SHANK2: variants seen among roughly 807,000 people sequenced by gnomAD.
SHANK2 encodes the protein SH3 and multiple ankyrin repeat domains 2.
A neutral mutation model predicts 133.7 loss-of-function variants in SHANK2; 43 were observed. The ratio of observed to expected loss-of-function variants is 0.32; its 90% CI spans 0.25 to 0.41. The LOEUF is 0.41. Among genes scored for constraint, SHANK2 ranks in the 10% least tolerant of loss-of-function variants. SHANK2 has a pLI of 1.00. For missense variants in SHANK2, 1,994 were observed against 2,235.8 expected, an observed-to-expected ratio of 0.89 and a Z score of 2.18; for synonymous variants, 1,017 against 952.8, an observed-to-expected ratio of 1.07 and a Z score of -1.24.
chr11:70,782,005 C>G (rs1026422332), intron 14 of SHANK2, among the ~76,000 whole-genome samples: 1 of 152,000 alleles, frequency 6.6e-6, no homozygotes, highest in Non-Finnish European at 1.5e-5. Context: ...AGCAAACTAT[C>G]GCAAGGACAA....
At chr11:70,842,080 C>T (rs531225672) in intron 11 of SHANK2, among the ~76,000 whole-genome samples, 1 of 152,304 alleles carries the variant, frequency 6.6e-6, no homozygotes, top group East Asian at 1.9e-4. Flanking sequence ...GGATGGGTGT[C>T]ACAGCTATTT....
chr11:71,251,858 G>A (rs1948187731), intron 1 of SHANK2, among the ~76,000 whole-genome samples: 1 of 151,718 alleles, frequency 6.6e-6, no homozygotes, highest in Admixed American at 6.6e-5. Flanking sequence ...GGAGCTCTGC[G>A]TGCAGGGCCA....
intron 15 of SHANK2, among the ~76,000 whole-genome samples, chr11:70,687,473 C>T (rs911616433): frequency 8.5e-5 from 13 of 152,308 alleles, no homozygotes; most frequent in South Asian, 6.2e-4. Flanking sequence ...GCTCAGTGAC[C>T]TCACGTTGGC....
At chr11:70,856,012 CAG>C (rs781835219) in intron 11 of SHANK2, among the ~76,000 whole-genome samples, 2 of 149,752 alleles carry the variant, frequency 1.3e-5, no homozygotes, top group African/African-American at 2.5e-5. Flanking sequence ...GATGGAAAGA[CAG>C]ATGAATAAAT....
chr11:70,530,247 C>T (rs11236559), intron 17 of SHANK2, among the ~76,000 whole-genome samples: 1 of 152,118 alleles, frequency 6.6e-6, no homozygotes, highest in African/African-American at 2.4e-5. Context: ...GGCCGGGCAC[C>T]GTGGCTCATG....
intron 1 of SHANK2, among the ~76,000 whole-genome samples, chr11:71,242,554 A>T (rs1954909128): frequency 6.6e-6 from 1 of 152,164 alleles, no homozygotes; most frequent in African/African-American, 2.4e-5. Flanking sequence ...CTGCTAAAAC[A>T]GCAGCCCCCC....
At chr11:70,932,588 T>G (rs1227355748) in intron 10 of SHANK2, among the ~76,000 whole-genome samples, 1 of 152,092 alleles carries the variant, frequency 6.6e-6, no homozygotes, top group Admixed American at 6.5e-5. Context: ...ATTGTGTGAG[T>G]AGAGATCCAC....
intron 14 of SHANK2, among the ~76,000 whole-genome samples, chr11:70,710,626 C>T (rs111409842): frequency 4.2e-4 from 64 of 152,288 alleles, no homozygotes; most frequent in African/African-American, 1.3e-3. Flanking sequence ...TTTTCTCTGG[C>T]GGGTGGCAGA....
intron 1 of SHANK2, among the ~76,000 whole-genome samples, chr11:71,242,741 C>T (rs1482236010): frequency 1.3e-5 from 2 of 152,238 alleles, no homozygotes; most frequent in African/African-American, 2.4e-5. Context: ...GCCTAGCAGA[C>T]ACCTGCAGCA....
chr11:71,168,134 C>T (rs1479864282), intron 2 of SHANK2, among the ~76,000 whole-genome samples: 30 of 138,214 alleles, frequency 2.2e-4, no homozygotes, highest in Non-Finnish European at 2.4e-4. Context: ...CAGAGGGTCT[C>T]CTCACTTCTC....
chr11:70,655,859 C>T (rs1301575954), intron 17 of SHANK2, among the ~76,000 whole-genome samples: 1 of 152,118 alleles, frequency 6.6e-6, no homozygotes, highest in Non-Finnish European at 1.5e-5. Context: ...CTGTTGGGAC[C>T]CCCGGCATCA....
At chr11:70,901,206 C>T (rs1238930684) in intron 10 of SHANK2, among the ~76,000 whole-genome samples, 1 of 152,206 alleles carries the variant, frequency 6.6e-6, no homozygotes, top group Non-Finnish European at 1.5e-5. Flanking sequence ...TGGGTTCAAA[C>T]TCTTCATCTA....
At chr11:71,074,675 GAGGGCCACTAAGGGGC>G (rs1343714824) in intron 9 of SHANK2, among the ~76,000 whole-genome samples, 1 of 152,058 alleles carries the variant, frequency 6.6e-6, no homozygotes. Context: ...TGGTTTGGGT[GAGGGCCACTAAGGGGC>G]AGGGGCTGAC....
chr11:70,598,926 C>CAAAAAAAAA (rs61220609), intron 17 of SHANK2, among the ~76,000 whole-genome samples: 1 of 113,112 alleles, frequency 8.8e-6, no homozygotes, highest in Non-Finnish European at 1.8e-5. Flanking sequence ...AGCTGCATGT[C>CAAAAAAAAA]AAAAAAAAAA....
chr11:70,583,732 G>T (rs888527154), intron 17 of SHANK2, among the ~76,000 whole-genome samples: 1 of 152,202 alleles, frequency 6.6e-6, no homozygotes, highest in Admixed American at 6.5e-5. Flanking sequence ...AACCATCGAG[G>T]CTGTGTGTCC....
rs575735500 is a variant in SHANK2, at chr11:70,876,812, G to A, written c.1174+19689C>T. Among the ~76,000 whole-genome samples, 16 of 152,198 alleles carry A rather than the reference G, an allele frequency of 1.1e-4. No homozygotes were observed. In the South Asian group the frequency reaches 2.1e-3, roughly 20 times the overall value. ...GTGAAATGCTCTGAGCAACGGTGGGGTAGGGGATGTTCCATCAGAAGGGGC... is the reference window on the plus strand; with the variant it reads ...GTGAAATGCTCTGAGCAACGGTGGGATAGGGGATGTTCCATCAGAAGGGGC... On this transcript the variant is annotated intron_variant, in intron 11 of 25. Coordinates refer to ENST00000601538, the MANE Select transcript of SHANK2 (RefSeq NM_012309.5).
chr11:70,480,907 G>A (rs1825895983), intron 25 of SHANK2, among the ~76,000 whole-genome samples: 1 of 152,228 alleles, frequency 6.6e-6, no homozygotes, highest in Non-Finnish European at 1.5e-5. Flanking sequence ...CTGAGCTTTT[G>A]CAGCCCCAGG....
At chr11:70,743,135 G>A (rs1416725642) in intron 14 of SHANK2, among the ~76,000 whole-genome samples, 1 of 152,218 alleles carries the variant, frequency 6.6e-6, no homozygotes, top group African/African-American at 2.4e-5. Context: ...ACAGGGCGGG[G>A]GCTGGAGGGG....
At chr11:71,099,334 T>A (rs1392848002) in intron 6 of SHANK2, among the ~76,000 whole-genome samples, 10 of 152,158 alleles carry the variant, frequency 6.6e-5, no homozygotes, top group Non-Finnish European at 1.5e-5. Flanking sequence ...GTTCTCTAAC[T>A]GTGAGAAGCG....
Sources: allele counts gnomAD v4.1 joint callset (sites outside exome capture counted in the v4.1 genomes callset), GRCh38; gene constraint gnomAD v4.1.1; transcripts MANE v1.5; gene names NCBI Gene and HGNC (gene_info 2026-07-23, HGNC 2026-07-21).